Variants in TSGA13 observed in about 807,000 individuals in gnomAD.
TSGA13 encodes the protein testis-specific gene 13 protein.
Under a neutral mutation model 35.1 loss-of-function variants are expected in TSGA13, and 37 were observed. The ratio of observed to expected loss-of-function variants is 1.05; its 90% CI spans 0.81 to 1.39. The LOEUF (loss-of-function observed/expected upper bound fraction) is 1.39. Among genes scored for constraint, TSGA13 ranks in the 40% most tolerant of loss-of-function variants. TSGA13 has a pLI of 0.00. For missense variants in TSGA13, 338 were observed against 328.5 expected (o/e 1.03, Z -0.22); for synonymous variants, 124 against 121.2 (o/e 1.02, Z -0.15).
intron 5 of TSGA13, among the ~76,000 whole-genome samples, chr7:130,675,052 A>G (rs527831779): frequency 6.6e-6 from 1 of 151,844 alleles, no homozygotes; most frequent in Non-Finnish European, 1.5e-5. Flanking sequence ...GCTGGACCTC[A>G]TATCAGAAAA....
At chr7:130,669,329 C>A in intron 7 of TSGA13, 146 bp from the exon 8 acceptor site, 1 of 860,142 alleles carries the variant, frequency 1.2e-6, no homozygotes, top group Non-Finnish European at 1.7e-6. Flanking sequence ...ATACCATTCC[C>A]AACCTATTTT....
At chr7:130,672,555 G>C (rs1796297444) in intron 6 of TSGA13, among the ~76,000 whole-genome samples, 179 bp downstream of exon 6, 1 of 151,618 alleles carries the variant, frequency 6.6e-6, no homozygotes, top group Non-Finnish European at 1.5e-5. Flanking sequence ...CCTTAGTTTT[G>C]CATGACTGTT....
intron 3 of TSGA13, among the ~76,000 whole-genome samples, chr7:130,681,892 G>A (rs1451908938): frequency 6.6e-6 from 1 of 152,086 alleles, no homozygotes; most frequent in Non-Finnish European, 1.5e-5. Flanking sequence ...AAAAAGAAGA[G>A]TGCATCATTA....
At chr7:130,686,740 A>ACACACC (rs4067239), upstream of TSGA13, 1 of 136,352 alleles carries the variant, frequency 7.3e-6, no homozygotes, top group African/African-American at 3.1e-5. Flanking sequence ...ACACACACAC[A>ACACACC]TCTTCACCAT....
chr7:130,680,507 G>GA (rs5887470), intron 4 of TSGA13, among the ~76,000 whole-genome samples: 51 of 118,988 alleles, frequency 4.3e-4, no homozygotes, highest in Non-Finnish European at 4.7e-4. Flanking sequence ...CTCCATCTCA[G>GA]AAAAAAAAAA....
At chr7:130,681,215 C>A (rs1261302008) in intron 3 of TSGA13, among the ~76,000 whole-genome samples, 198 bp from the exon 4 acceptor site, 2 of 152,148 alleles carry the variant, frequency 1.3e-5, no homozygotes, top group Non-Finnish European at 2.9e-5. Flanking sequence ...GACCTGGATT[C>A]TAAGACCTCC....
chr7:130,673,752 T>C (rs1554463725), intron 5 of TSGA13, among the ~76,000 whole-genome samples: 1 of 152,136 alleles, frequency 6.6e-6, no homozygotes, highest in African/African-American at 2.4e-5. Flanking sequence ...GAAAACAATA[T>C]GCCAGGTGTA....
At chr7:130,686,925 CT>C (rs1288704621), upstream of TSGA13, 1 of 152,520 alleles carries the variant, frequency 6.6e-6, no homozygotes, top group Non-Finnish European at 1.5e-5. Flanking sequence ...TGTCACAAGG[CT>C]GGAGTGCAGT....
rs782546227 is a variant in TSGA13, at chr7:130,672,864, G to T, written c.400C>A (p.Gln134Lys). Residue 134 changes from glutamine to lysine, a missense_variant, in exon 6 of 8, where the codon CAG becomes AAG. Coordinates refer to ENST00000356588, the MANE Select transcript of TSGA13 (RefSeq NM_052933.4). ...LLLKVMESHH[Q>K]HKPTENLWLP... ...CAGAGGTTCTCAGTGGGTTTGTGCTGATGATGACTTTCCTGTAGGGAAACG... is the reference window on the plus strand; with the variant it reads ...CAGAGGTTCTCAGTGGGTTTGTGCTTATGATGACTTTCCTGTAGGGAAACG... The T allele has an allele frequency of 6.2e-6, 10 of 1,613,494 alleles. No individual in the cohort carries two copies. The highest frequency in any genetic ancestry group is 7.6e-6 in the Non-Finnish European group (9 of 1,179,820).
chr7:130,674,152 CT>C (rs1178676560), intron 5 of TSGA13, among the ~76,000 whole-genome samples: 1 of 133,748 alleles, frequency 7.5e-6, no homozygotes, highest in African/African-American at 2.6e-5. Context: ...TTCTTTTCTT[CT>C]TTTTTTTCTT....
chr7:130,670,301 C>T (rs1031479832), intron 7 of TSGA13, among the ~76,000 whole-genome samples: 34 of 152,216 alleles, frequency 2.2e-4, no homozygotes, highest in Non-Finnish European at 4.3e-4. Flanking sequence ...CCCAGGCCTT[C>T]GGTATCAGGA....
Position 130,678,327 on chromosome 7 carries a change from C to T in TSGA13, c.387+828G>A, listed in dbSNP as rs188776001. ...CCGGGAGGCGGAGCTTGCAGTGAGC[C>T]GAGATCGCGCCACTGTACTCCAGCC... On this transcript the variant is annotated intron_variant, in intron 5 of 7. Transcript: ENST00000356588. 1.7e-3 allele frequency among the ~76,000 whole-genome samples: 254 copies of T among 151,384 alleles called. 2 individuals are homozygous for T. The highest frequency in any genetic ancestry group is 6.0e-3 in the African/African-American group (248 of 41,174).
At chr7:130,685,985 C>T (rs947423308) in intron 1 of TSGA13, among the ~76,000 whole-genome samples, 3 of 152,076 alleles carry the variant, frequency 2.0e-5, no homozygotes, top group African/African-American at 7.2e-5. Context: ...GATTATTTGT[C>T]GTTGTTAAGT....
intron 7 of TSGA13, among the ~76,000 whole-genome samples, chr7:130,669,970 C>G (rs1021803408): frequency 1.3e-5 from 2 of 152,272 alleles, no homozygotes; most frequent in African/African-American, 4.8e-5. Context: ...TAGGCAGAGA[C>G]AGTGTAGATA....
Position 130,669,050 on chromosome 7 carries a change from C to T in TSGA13, c.792G>A (p.Pro264=). The change falls in exon 8 of 8, where the codon CCG becomes CCA. Residue 264 remains proline, a synonymous_variant. Transcript: ENST00000356588. ...CCGTGGCCTTTTTGATAATCCACTGCGGGGCCCTCCCGTTGCGGAAGGCGC... is the reference window on the plus strand; with the variant it reads ...CCGTGGCCTTTTTGATAATCCACTGTGGGGCCCTCCCGTTGCGGAAGGCGC... ...GESAFRNGRA[P]QWIIKKATVI... 3.7e-6 allele frequency: 6 copies of T among 1,614,178 alleles called. No homozygotes were observed. Among genetic ancestry groups the T allele is most frequent in the Non-Finnish European group, 5.1e-6 (6 of 1,180,022 alleles).
intron 5 of TSGA13, among the ~76,000 whole-genome samples, chr7:130,677,704 C>T (rs150790245): frequency 1.2e-3 from 188 of 152,170 alleles, no homozygotes; most frequent in African/African-American, 4.3e-3. Context: ...GGATTACAGG[C>T]GTGAGCCACT....
chr7:130,683,510 G>A, intron 3 of TSGA13, 84 bp downstream of exon 3: 1 of 1,283,076 alleles, frequency 7.8e-7, no homozygotes, highest in South Asian at 1.4e-5. Flanking sequence ...TTTCAATAGG[G>A]AAGTTTGTGA....
chr7:130,668,749 G>A lies in TSGA13; in HGVS notation c.*265C>T. On this transcript the variant is annotated 3_prime_UTR_variant, in exon 8 of 8. Coordinates refer to ENST00000356588, the MANE Select transcript of TSGA13 (RefSeq NM_052933.4). ...GGCGAGCGGAAGAGGCTGCAGGAAG[G>A]CCGGCCCCGCGCTCTCACGCCGGTT... The A allele has an allele frequency of 1.0e-5, 15 of 1,459,302 alleles. No homozygotes were observed. Among genetic ancestry groups the A allele is most frequent in the South Asian group, 1.3e-5 (1 of 76,464 alleles). The allele number at this position is 1,459,302 out of a possible 1,614,324, so 90.4% of individuals were successfully genotyped here.
Position 130,672,748 on chromosome 7 carries a change from T to C in TSGA13, c.516A>G (p.Arg172=), listed in dbSNP as rs1554463404. 1 of 1,613,536 alleles carries C rather than the reference T, an allele frequency of 6.2e-7. No individual in the cohort carries two copies. The highest frequency in any genetic ancestry group is 2.2e-5 in the East Asian group (1 of 44,844). The part of the protein sequence containing the change: ...LILSDDPTSK[R]EQWFRFSTDN... ...CAAGATTTCACCTAAACCATTGTTC[T>C]CGCTTGGATGTGGGATCATCCGACA... is the stretch of plus-strand genomic sequence containing the variant. Residue 172 remains arginine, a synonymous_variant, in exon 6 of 8, where the codon CGA becomes CGG. Transcript: ENST00000356588.
Sources: allele counts gnomAD v4.1 joint callset (sites outside exome capture counted in the v4.1 genomes callset), GRCh38; gene constraint gnomAD v4.1.1; transcripts MANE v1.5; gene names NCBI Gene and HGNC (gene_info 2026-07-23, HGNC 2026-07-21).